Variants in DGAT2 observed in about 807,000 individuals in gnomAD.
The protein encoded by DGAT2 is acyl-CoA retinol O-fatty-acyltransferase.
A neutral mutation model predicts 48.4 loss-of-function variants in DGAT2; 33 were observed. That is an observed-to-expected ratio of 0.68 (90% confidence interval 0.52 to 0.91). The LOEUF (loss-of-function observed/expected upper bound fraction) is 0.91. Ranked by LOEUF, DGAT2 falls within the 40% of genes least tolerant of loss-of-function variation. The probability of loss-of-function intolerance (pLI) is 0.00; values close to 1 mark genes in which losing one functional copy is unlikely to be tolerated. For synonymous variants in DGAT2, 191 were observed against 194.1 expected (o/e 0.98, Z 0.13); for missense variants, 446 against 493.7 (o/e 0.90, Z 0.92).
chr11:75,768,845 G>A lies in DGAT2; in HGVS notation c.-147G>A. On this transcript the variant is annotated 5_prime_UTR_variant, in exon 1 of 8. Transcript: ENST00000228027. ...GCGCCACCACTGGCCGCCGGCCGCAGCTCCAGGTGTCCTAGCCGCCCAGCC... is the reference window on the plus strand; with the variant it reads ...GCGCCACCACTGGCCGCCGGCCGCAACTCCAGGTGTCCTAGCCGCCCAGCC... 9.3e-7 allele frequency: 1 copy of A among 1,075,208 alleles called. No individual in the cohort carries two copies. Among genetic ancestry groups the A allele is most frequent in the Non-Finnish European group, 1.2e-6 (1 of 820,048 alleles). 66.6% of individuals were successfully genotyped at this position (1,075,208 alleles called of 1,614,324 possible). A position where few individuals can be genotyped will look rare whatever the true frequency, so the allele number is the denominator to read the frequency against.
In DGAT2 at chr11:75,796,397, G is replaced by T. The variant is rs1410441699; in HGVS notation, c.499G>T (p.Gly167Cys). ...IFGYHPHGIMGLGAFCNFSTE... is the reference protein window; with the variant it reads ...IFGYHPHGIMCLGAFCNFSTE... Reference sequence around the variant, plus strand: ...TGGATACCACCCCCATGGTATCATGGGCCTGGGTGCCTTCTGCAACTTCAG... The same window carrying T: ...TGGATACCACCCCCATGGTATCATGTGCCTGGGTGCCTTCTGCAACTTCAG... The change falls in exon 5 of 8, where the codon GGC becomes TGC. Residue 167 changes from glycine (G) to cysteine (C), a missense_variant. Gly to Cys is a radical substitution (Grantham distance 159). Transcript: ENST00000228027. 1.2e-6 allele frequency: 2 copies of T among 1,613,874 alleles called. No individual in the cohort carries two copies. Among genetic ancestry groups the T allele is most frequent in the Non-Finnish European group, 1.7e-6 (2 of 1,180,016 alleles).
At position 75,780,359 on chromosome 11, in the gene DGAT2, C is replaced by T. The variant is rs550885929; in HGVS notation, c.122-4259C>T. Among the ~76,000 whole-genome samples the T allele has an allele frequency of 5.3e-5, 8 of 152,310 alleles. No individual in the cohort carries two copies. In the South Asian group the frequency reaches 8.3e-4, roughly 16 times the overall value. On this transcript the variant is annotated intron_variant, in intron 1 of 7. Coordinates refer to ENST00000228027, the MANE Select transcript of DGAT2 (RefSeq NM_032564.5). ...CCTCACTTCCCATCTGCCTGAGCAA[C>T]GGTACCAGAACTACTGCAAGATGGT...
intron 3 of DGAT2, 49 bp downstream of exon 3, chr11:75,790,344 T>C (rs781762450): frequency 2.0e-6 from 3 of 1,469,008 alleles, no homozygotes; most frequent in Non-Finnish European, 2.9e-6. Context: ...GGGATGCTCT[T>C]CCCCCTGCAC....
chr11:75,775,962 G>A (rs929480742), intron 1 of DGAT2: 1 of 152,316 alleles, frequency 6.6e-6, no homozygotes, highest in East Asian at 1.9e-4. Flanking sequence ...AAGAAGCAGA[G>A]GAGAAGCAGA....
chr11:75,797,137 T>TG (rs766500111), intron 5 of DGAT2, 21 bp from the exon 6 acceptor site: 18 of 1,463,540 alleles, frequency 1.2e-5, no homozygotes, highest in Non-Finnish European at 1.5e-5. Context: ...CCCTGACTGT[T>TG]GCGTCCTTCC....
At chr11:75,785,173 C>T (rs976133957) in intron 2 of DGAT2, among the ~76,000 whole-genome samples, 1 of 152,192 alleles carries the variant, frequency 6.6e-6, no homozygotes, top group East Asian at 1.9e-4. Context: ...TCCTGAATCT[C>T]CTGCAGACAA....
chr11:75,784,407 A>T, intron 1 of DGAT2: 1 of 529,024 alleles, frequency 1.9e-6, no homozygotes, highest in Non-Finnish European at 3.3e-6. Flanking sequence ...TTGTGTATCT[A>T]TAGAAACCAG....
At chr11:75,776,102 A>C (rs1470196893) in intron 1 of DGAT2, 1 of 152,082 alleles carries the variant, frequency 6.6e-6, no homozygotes, top group Non-Finnish European at 1.5e-5. Context: ...CATTGCCCCG[A>C]CATTAACCAC....
intron 1 of DGAT2, among the ~76,000 whole-genome samples, chr11:75,770,407 A>G (rs1851182228): frequency 6.6e-6 from 1 of 152,030 alleles, no homozygotes; most frequent in South Asian, 2.1e-4. Context: ...CTCGGGGGCG[A>G]GCAGCTTGAG....
intron 6 of DGAT2, 124 bp downstream of exon 6, chr11:75,797,456 G>C: frequency 1.7e-6 from 2 of 1,167,202 alleles, no homozygotes; most frequent in Middle Eastern, 3.3e-4. Flanking sequence ...CAGTCATTCT[G>C]TTAGGGAGGG....
chr11:75,800,478 C>G lies in DGAT2; in HGVS notation c.1137C>G (p.Leu379=), dbSNP rs776449399. 2.5e-6 allele frequency: 4 copies of G among 1,614,032 alleles called. No homozygotes were observed. The highest frequency in any genetic ancestry group is 3.4e-6 in the Non-Finnish European group (4 of 1,180,032). The change falls in exon 8 of 8, where the codon CTC becomes CTG. Residue 379 remains leucine, a synonymous_variant. Transcript: ENST00000228027. ...ACAAGCACAAGACCAAGTTCGGCCT[C>G]CCGGAGACTGAGGTCCTGGAGGTGA... is the stretch of plus-strand genomic sequence containing the variant. ...LFDKHKTKFG[L]PETEVLEVN is the part of the protein sequence containing the mutation.
At chr11:75,799,585 C>A (rs551578642) in intron 7 of DGAT2, among the ~76,000 whole-genome samples, 3 of 152,006 alleles carry the variant, frequency 2.0e-5, no homozygotes, top group African/African-American at 7.2e-5. Context: ...CTACTCCCTC[C>A]TCTCCTGCCC....
At chr11:75,774,931 C>T (rs534195236) in intron 1 of DGAT2, among the ~76,000 whole-genome samples, 17 of 152,214 alleles carry the variant, frequency 1.1e-4, no homozygotes, top group African/African-American at 4.1e-4. Context: ...GCAATCATGT[C>T]CAGGGTCCTG....
At chr11:75,796,236 GAAATGACACATC>G (rs1945050347) in intron 4 of DGAT2, 80 bp from the exon 5 acceptor site, 1 of 1,112,342 alleles carries the variant, frequency 9.0e-7, no homozygotes, top group Non-Finnish European at 1.3e-6. Context: ...AGGTCCAGGG[GAAATGACACATC>G]CAATCCCTCC....
At chr11:75,798,117 A>G in intron 6 of DGAT2, 110 bp from the exon 7 acceptor site, 2 of 1,131,352 alleles carry the variant, frequency 1.8e-6, no homozygotes, top group Non-Finnish European at 2.6e-6. Flanking sequence ...TAATTCTGGT[A>G]CACCCAGCTG....
Position 75,779,906 on chromosome 11 carries a change from C to G in DGAT2, c.122-4712C>G, listed in dbSNP as rs115169110. Among the ~76,000 whole-genome samples the G allele has an allele frequency of 9.9e-3, 1,511 of 152,232 alleles. 28 individuals are homozygous for G. The highest frequency in any genetic ancestry group is 0.035 in the African/African-American group (1,455 of 41,510). On this transcript the variant is annotated intron_variant, in intron 1 of 7. Transcript: ENST00000228027. Reference sequence around the variant, plus strand: ...CCCAGTCTAACTTGGGCATCCAGGCCTATAGCTGCCTCTGAGGCTGCTCTG... The same window carrying G: ...CCCAGTCTAACTTGGGCATCCAGGCGTATAGCTGCCTCTGAGGCTGCTCTG...
intron 2 of DGAT2, among the ~76,000 whole-genome samples, chr11:75,786,537 G>T (rs895801964): frequency 6.6e-6 from 1 of 152,146 alleles, no homozygotes; most frequent in Non-Finnish European, 1.5e-5. Flanking sequence ...ATGGGGACTG[G>T]CCCCAGGCTA....
At chr11:75,779,915 C>T (rs1363428451) in intron 1 of DGAT2, among the ~76,000 whole-genome samples, 1 of 152,198 alleles carries the variant, frequency 6.6e-6, no homozygotes, top group Non-Finnish European at 1.5e-5. Context: ...CCTATAGCTG[C>T]CTCTGAGGCT....
At chr11:75,777,599 A>G (rs148363215) in intron 1 of DGAT2, among the ~76,000 whole-genome samples, 1 of 152,260 alleles carries the variant, frequency 6.6e-6, no homozygotes, top group Non-Finnish European at 1.5e-5. Flanking sequence ...TTGTATAGGA[A>G]GTGACTCATC....
Sources: allele counts gnomAD v4.1 joint callset (sites outside exome capture counted in the v4.1 genomes callset), GRCh38; gene constraint gnomAD v4.1.1; transcripts MANE v1.5; gene names NCBI Gene and HGNC (gene_info 2026-07-23, HGNC 2026-07-21).